The following PCOLCE2 variants were observed in gnomAD, a reference collection of about 807,000 sequenced individuals.
The protein encoded by PCOLCE2 is procollagen C-endopeptidase enhancer 2, also known as procollagen C-proteinase enhancer 2.
PCOLCE2 carries 42 observed loss-of-function variants against 47.0 expected under a neutral mutation model. The ratio of observed to expected loss-of-function variants is 0.89; its 90% CI spans 0.70 to 1.16. The LOEUF is 1.16. Ranked by LOEUF, PCOLCE2 falls within the 50% of genes most tolerant of loss-of-function variation. The pLI is 0.00. For synonymous variants in PCOLCE2, 169 were observed against 191.7 expected (o/e 0.88, Z 0.98); for missense variants, 500 against 526.1 (o/e 0.95, Z 0.49).
chr3:142,840,835 G>A (rs1050345197), intron 4 of PCOLCE2, among the ~76,000 whole-genome samples: 2 of 152,118 alleles, frequency 1.3e-5, no homozygotes, highest in African/African-American at 4.8e-5. Flanking sequence ...CAGCACTTTG[G>A]GAGGCCGAGG....
chr3:142,843,755 T>A (rs1179050291), intron 3 of PCOLCE2, among the ~76,000 whole-genome samples: 1 of 152,158 alleles, frequency 6.6e-6, no homozygotes, highest in Non-Finnish European at 1.5e-5. Flanking sequence ...AATTTAATTT[T>A]ACTTGAATGT....
intron 5 of PCOLCE2, among the ~76,000 whole-genome samples, chr3:142,834,766 G>C (rs1937184546): frequency 6.6e-6 from 1 of 152,040 alleles, no homozygotes; most frequent in Admixed American, 6.6e-5. Flanking sequence ...TGATAAATGA[G>C]ATTGGTCTCT....
chr3:142,827,281 C>T, intron 6 of PCOLCE2: 3 of 1,302,468 alleles, frequency 2.3e-6, no homozygotes, highest in Non-Finnish European at 2.2e-6. Flanking sequence ...ATACTCGTGG[C>T]CACCAGTTCC....
intron 2 of PCOLCE2, among the ~76,000 whole-genome samples, chr3:142,856,428 C>T (rs1423140375): frequency 2.0e-5 from 3 of 152,158 alleles, no homozygotes; most frequent in Non-Finnish European, 2.9e-5. Context: ...GAAGACTTGG[C>T]TACAAAACGA....
intron 5 of PCOLCE2, among the ~76,000 whole-genome samples, chr3:142,834,620 T>C (rs1937183240): frequency 1.3e-5 from 2 of 152,206 alleles, no homozygotes; most frequent in Non-Finnish European, 2.9e-5. Context: ...CACTTTAATC[T>C]GGTGAGGTAT....
intron 2 of PCOLCE2, among the ~76,000 whole-genome samples, chr3:142,869,341 CTT>C (rs374773330): frequency 6.6e-6 from 1 of 151,838 alleles, no homozygotes; most frequent in Non-Finnish European, 1.5e-5. Context: ...AAAACAGACT[CTT>C]TGTAGCAATA....
At chr3:142,833,183 TTTTC>T (rs1459427919) in intron 5 of PCOLCE2, among the ~76,000 whole-genome samples, 4 of 152,292 alleles carry the variant, frequency 2.6e-5, no homozygotes, top group Admixed American at 2.0e-4. Context: ...TGCATTTTTT[TTTTC>T]TTTTTTGTTT....
chr3:142,840,403 T>A (rs1257618132), intron 4 of PCOLCE2, among the ~76,000 whole-genome samples: 1 of 152,200 alleles, frequency 6.6e-6, no homozygotes, highest in East Asian at 1.9e-4. Context: ...TTATTACCTA[T>A]GACAGCTGGT....
intron 2 of PCOLCE2, among the ~76,000 whole-genome samples, chr3:142,859,359 G>A (rs1933136888): frequency 6.6e-6 from 1 of 151,322 alleles, no homozygotes; most frequent in African/African-American, 2.4e-5. Context: ...CAGCACACCT[G>A]GCCCATGTTT....
chr3:142,887,535 G>A lies in PCOLCE2; in HGVS notation c.192+134C>T. The A allele has an allele frequency of 1.8e-5, 11 of 617,322 alleles. No homozygotes were observed. In the South Asian group the frequency reaches 2.0e-4, roughly 11 times the overall value. The allele number at this position is 617,322 out of a possible 1,614,324, so 38.2% of individuals were successfully genotyped here. A position where few individuals can be genotyped will look rare whatever the true frequency, so the allele number is the denominator to read the frequency against. ...ATTAATAAAAATCTTCCCAATAGTT[G>A]GGGTAAATCCAACATTTCACTATTT... On this transcript the variant is annotated intron_variant, in intron 2 of 8. Transcript: ENST00000295992.
intron 2 of PCOLCE2, among the ~76,000 whole-genome samples, chr3:142,849,666 T>C (rs1339516496): frequency 1.3e-5 from 2 of 152,220 alleles, no homozygotes; most frequent in Non-Finnish European, 2.9e-5. Context: ...TTGATCATAA[T>C]TGTTTTACTC....
Position 142,850,380 on chromosome 3 carries a change from G to A in PCOLCE2, c.193-1908C>T, listed in dbSNP as rs184194740. ...TGTATAGAGGGTAATTCAAAGCTAC[G>A]AAACTTGATGAAGTCACTCCCAGAG... On this transcript the variant is annotated intron_variant, in intron 2 of 8. Transcript: ENST00000295992. 3.3e-5 allele frequency among the ~76,000 whole-genome samples: 5 copies of A among 152,256 alleles called. No homozygotes were observed. The East Asian group carries it at 7.7e-4, about 23-fold the overall frequency.
chr3:142,835,378 C>T (rs1480789562), intron 5 of PCOLCE2, among the ~76,000 whole-genome samples: 1 of 152,050 alleles, frequency 6.6e-6, no homozygotes, highest in Non-Finnish European at 1.5e-5. Flanking sequence ...TTGATTTTTT[C>T]CTAATATCAA....
chr3:142,854,604 T>G (rs1933029920), intron 2 of PCOLCE2, among the ~76,000 whole-genome samples: 1 of 152,210 alleles, frequency 6.6e-6, no homozygotes, highest in Non-Finnish European at 1.5e-5. Context: ...CTTTTGTTTT[T>G]GGGGATTTCA....
Position 142,835,159 on chromosome 3 carries a change from T to G in PCOLCE2, c.710+3611A>C, listed in dbSNP as rs185781746. Among the ~76,000 whole-genome samples, 18 of 152,340 alleles carry G rather than the reference T, an allele frequency of 1.2e-4. No homozygotes were observed. In the East Asian group the frequency reaches 1.9e-3, roughly 16 times the overall value. On this transcript the variant is annotated intron_variant, in intron 5 of 8. Transcript: ENST00000295992. ...CTCTCATTAACAGTTAGTTAATCTG[T>G]TAATTATTGAAAGAGATGTGTTAAA...
intron 2 of PCOLCE2, among the ~76,000 whole-genome samples, chr3:142,849,193 C>T (rs757836938): frequency 3.9e-5 from 6 of 151,990 alleles, no homozygotes; most frequent in Non-Finnish European, 8.8e-5. Context: ...TACAGTAGGA[C>T]GCATTCAATG....
At chr3:142,874,052 G>C (rs1333028719) in intron 2 of PCOLCE2, among the ~76,000 whole-genome samples, 1 of 152,142 alleles carries the variant, frequency 6.6e-6, no homozygotes, top group East Asian at 1.9e-4. Flanking sequence ...AAGTGAATGA[G>C]TTCTCATGAG....
chr3:142,848,174 A>C, intron 3 of PCOLCE2, 43 bp downstream of exon 3: 8 of 1,592,060 alleles, frequency 5.0e-6, no homozygotes, highest in Non-Finnish European at 6.9e-6. Flanking sequence ...AAGAACAGTG[A>C]ACCAACATTA....
At chr3:142,884,628 T>C (rs2581636) in intron 2 of PCOLCE2, among the ~76,000 whole-genome samples, 123,770 of 152,150 alleles carry the variant, frequency 0.81, 50,857 homozygotes, top group African/African-American at 0.92. Context: ...ACCTAAGACC[T>C]GTTAAGGCCA....
Sources: gnomAD v4.1 joint callset for allele counts (sites outside exome capture counted in the v4.1 genomes callset) on GRCh38, gnomAD v4.1.1 for gene constraint, MANE v1.5 for transcripts, NCBI Gene and HGNC (gene_info 2026-07-23, HGNC 2026-07-21) for gene names.